DNM3: variants seen among roughly 807,000 people sequenced by gnomAD.
The protein encoded by DNM3 is dynamin-3.
In DNM3, 47 loss-of-function variants were observed where a neutral mutation model predicts 101.6. That is an observed-to-expected ratio of 0.46 (90% CI 0.37 to 0.59). DNM3 has a LOEUF of 0.59. Ranked by LOEUF, DNM3 falls within the 20% of genes least tolerant of loss-of-function variation. DNM3 has a pLI of 0.00. For missense variants in DNM3, 849 were observed against 1,085.7 expected (o/e 0.78, Z 3.06); for synonymous variants, 385 against 387.9 (o/e 0.99, Z 0.09).
intron 14 of DNM3, among the ~76,000 whole-genome samples, chr1:172,176,365 AC>A (rs2059154349): frequency 1.3e-5 from 2 of 151,854 alleles, no homozygotes; most frequent in South Asian, 4.1e-4. Flanking sequence ...AGCTCTGCTG[AC>A]CCATTTTAGA....
At chr1:172,074,684 T>C (rs1335029047) in intron 11 of DNM3, among the ~76,000 whole-genome samples, 1 of 152,228 alleles carries the variant, frequency 6.6e-6, no homozygotes, top group Non-Finnish European at 1.5e-5. Flanking sequence ...CCATGGTGTA[T>C]ATGAGCCACA....
intron 13 of DNM3, among the ~76,000 whole-genome samples, chr1:172,118,264 C>T (rs1247225610): frequency 6.6e-6 from 1 of 152,148 alleles, no homozygotes; most frequent in African/African-American, 2.4e-5. Context: ...TTATTTAATA[C>T]CTGAGTGTGT....
At position 172,149,224 on chromosome 1, in the gene DNM3, G is replaced by A. The variant is rs142973642; in HGVS notation, c.1659+17936G>A. ...AGAAATAAGCTCCTAACCAAAAGCA[G>A]TATATATTTTATGAACATTCTTTCC... On this transcript the variant is annotated intron_variant, in intron 14 of 20. Transcript: ENST00000627582. Among the ~76,000 whole-genome samples, 620 of 152,206 alleles carry A rather than the reference G, an allele frequency of 4.1e-3. 8 individuals are homozygous for A. In the South Asian group the frequency reaches 0.049, roughly 12 times the overall value.
intron 14 of DNM3, among the ~76,000 whole-genome samples, chr1:172,210,133 T>C (rs571807294): frequency 2.2e-4 from 34 of 152,190 alleles, no homozygotes; most frequent in African/African-American, 7.9e-4. Flanking sequence ...TATTCCCATT[T>C]TGCAGATGAG....
At chr1:172,402,577 C>T (rs186152726) in intron 20 of DNM3, among the ~76,000 whole-genome samples, 1 of 152,276 alleles carries the variant, frequency 6.6e-6, no homozygotes, top group East Asian at 1.9e-4. Flanking sequence ...CACCTAACTA[C>T]TTATGCTGGA....
chr1:172,235,081 A>T (rs1217899832), intron 14 of DNM3, among the ~76,000 whole-genome samples: 2 of 152,160 alleles, frequency 1.3e-5, no homozygotes, highest in Admixed American at 1.3e-4. Context: ...GAATGGGAGA[A>T]AATTTTTGCA....
At chr1:172,196,799 G>A (rs2059966293) in intron 14 of DNM3, among the ~76,000 whole-genome samples, 1 of 151,970 alleles carries the variant, frequency 6.6e-6, no homozygotes, top group Non-Finnish European at 1.5e-5. Flanking sequence ...TATAGATGTT[G>A]GATATTAGAC....
At chr1:172,407,659 C>G (rs2070990749) in intron 20 of DNM3, 113 bp from the exon 21 acceptor site, 6 of 1,006,216 alleles carry the variant, frequency 6.0e-6, no homozygotes, top group Non-Finnish European at 1.6e-6. Context: ...ACCACTTCTG[C>G]TGGCCTGTAT....
chr1:171,861,280 C>T (rs1184924092), intron 1 of DNM3, among the ~76,000 whole-genome samples: 1 of 152,024 alleles, frequency 6.6e-6, no homozygotes, highest in African/African-American at 2.4e-5. Flanking sequence ...GCATAGGATT[C>T]AGAATGGCCA....
intron 2 of DNM3, among the ~76,000 whole-genome samples, chr1:171,963,859 G>GC (rs1035546179): frequency 3.3e-5 from 5 of 151,330 alleles, no homozygotes; most frequent in African/African-American, 1.2e-4. Flanking sequence ...AAAATTCCAA[G>GC]CCCCCCATCC....
At position 172,033,032 on chromosome 1, in the gene DNM3, G is replaced by C. The variant is rs943436889; in HGVS notation, c.689-73G>C. On this transcript the variant is annotated intron_variant, in intron 5 of 20. Transcript: ENST00000627582. ...TTTGCCTTTCTTACTCTGCCTATGT[G>C]AGAGCCTTGAAATCTCCCTAGAATA... The C allele has an allele frequency of 3.9e-6, 6 of 1,540,374 alleles. No homozygotes were observed. In the African/African-American group the frequency reaches 8.3e-5, roughly 21 times the overall value.
chr1:171,943,034 C>T (rs1162808815), intron 2 of DNM3, among the ~76,000 whole-genome samples: 1 of 152,018 alleles, frequency 6.6e-6, no homozygotes, highest in Non-Finnish European at 1.5e-5. Flanking sequence ...ACCACTTGAG[C>T]CTGGGTGGTT....
chr1:172,246,987 T>C (rs2061978610), intron 14 of DNM3, among the ~76,000 whole-genome samples: 1 of 152,222 alleles, frequency 6.6e-6, no homozygotes. Context: ...AAGCAAATTA[T>C]AATAATTGAA....
chr1:171,958,036 C>T (rs908422470), intron 2 of DNM3, among the ~76,000 whole-genome samples: 1 of 152,102 alleles, frequency 6.6e-6, no homozygotes, highest in Non-Finnish European at 1.5e-5. Context: ...GGGTAATTGA[C>T]AAAAGAAAGA....
At chr1:171,984,777 G>T (rs908827555) in intron 2 of DNM3, among the ~76,000 whole-genome samples, 1 of 152,166 alleles carries the variant, frequency 6.6e-6, no homozygotes, top group Non-Finnish European at 1.5e-5. Context: ...GGCAAGTAGA[G>T]TGATCTCAAT....
intron 1 of DNM3, among the ~76,000 whole-genome samples, chr1:171,860,245 T>C (rs796707311): frequency 1.2e-4 from 18 of 152,288 alleles, no homozygotes; most frequent in African/African-American, 4.3e-4. Flanking sequence ...TTTAAAAATA[T>C]AACGAATTCA....
chr1:171,929,624 C>T (rs772068333), intron 2 of DNM3, among the ~76,000 whole-genome samples: 8 of 151,250 alleles, frequency 5.3e-5, no homozygotes, highest in Non-Finnish European at 1.0e-4. Context: ...CCCTAGTCAG[C>T]TTGGATTCTC....
chr1:171,928,840 A>G (rs1213248968), intron 2 of DNM3, among the ~76,000 whole-genome samples: 2 of 152,078 alleles, frequency 1.3e-5, no homozygotes, highest in African/African-American at 2.4e-5. Flanking sequence ...CTGCTTTTTC[A>G]TAGAGCTCTT....
At chr1:171,920,386 T>C (rs1243949697) in intron 1 of DNM3, among the ~76,000 whole-genome samples, 1 of 152,240 alleles carries the variant, frequency 6.6e-6, no homozygotes, top group Non-Finnish European at 1.5e-5. Context: ...ATATCCTGAC[T>C]TGAGGCCAGT....
Sources: gnomAD v4.1 joint callset for allele counts (sites outside exome capture counted in the v4.1 genomes callset) on GRCh38, gnomAD v4.1.1 for gene constraint, MANE v1.5 for transcripts, NCBI Gene and HGNC (gene_info 2026-07-23, HGNC 2026-07-21) for gene names.